SVEP1: variants seen among roughly 807,000 people sequenced by gnomAD.
The protein encoded by SVEP1 is sushi, von Willebrand factor type A, EGF and pentraxin domain-containing protein 1.
In SVEP1, 164 loss-of-function variants were observed where a neutral mutation model predicts 367.3. The observed-to-expected ratio is 0.45, with a 90% confidence interval of 0.39 to 0.51. The LOEUF (loss-of-function observed/expected upper bound fraction) is 0.51. SVEP1 is among the 20% of genes least tolerant of loss of function. The probability of loss-of-function intolerance (pLI) is 0.00; values close to 1 mark genes in which losing one functional copy is unlikely to be tolerated. For missense variants in SVEP1, 4,117 were observed against 4,425.3 expected, an observed-to-expected ratio of 0.93 and a Z score of 1.98; for synonymous variants, 1,666 against 1,611.6, an observed-to-expected ratio of 1.03 and a Z score of -0.81.
intron 38 of SVEP1, 35 bp downstream of exon 38, chr9:110,406,125 C>A: frequency 6.6e-7 from 1 of 1,516,780 alleles, no homozygotes; most frequent in Non-Finnish European, 8.8e-7. Context: ...TAATCCTGCC[C>A]GCACCCCTTG....
At chr9:110,499,315 A>AAAATAC in intron 6 of SVEP1, 77 bp from the exon 7 acceptor site, 2 of 1,340,496 alleles carry the variant, frequency 1.5e-6, no homozygotes, top group East Asian at 4.7e-5. Flanking sequence ...TTACTCAAGA[A>AAAATAC]AAATACAATT....
Position 110,564,422 on chromosome 9 carries a change from T to C in SVEP1, c.532-14318A>G, listed in dbSNP as rs1015853074. 2.0e-5 allele frequency among the ~76,000 whole-genome samples: 3 copies of C among 152,152 alleles called. 1 individual carries two copies. The highest frequency in any genetic ancestry group is 2.0e-4 in the Admixed American group (3 of 15,270). On this transcript the variant is annotated intron_variant, in intron 1 of 47. Transcript: ENST00000374469. ...GAAAATCTAACCATTACCTTGCAAA[T>C]ACTTAGGCTTCAGCAACAAGCCAAC...
At chr9:110,546,855 A>C (rs534220467) in intron 2 of SVEP1, among the ~76,000 whole-genome samples, 1 of 152,348 alleles carries the variant, frequency 6.6e-6, no homozygotes, top group Admixed American at 6.5e-5. Flanking sequence ...CATGCTGGGA[A>C]TGCAATAACT....
At chr9:110,399,130 T>C (rs1377411994) in intron 40 of SVEP1, among the ~76,000 whole-genome samples, 2 of 152,014 alleles carry the variant, frequency 1.3e-5, no homozygotes, top group African/African-American at 2.4e-5. Flanking sequence ...ATTAAGAAAA[T>C]GTGGCATATA....
At chr9:110,369,424 T>C (rs1244271041) in intron 47 of SVEP1, among the ~76,000 whole-genome samples, 2 of 152,234 alleles carry the variant, frequency 1.3e-5, no homozygotes, top group Non-Finnish European at 1.5e-5. Context: ...ACGTTTCTTA[T>C]CAATTCAATA....
chr9:110,481,483 A>T, intron 11 of SVEP1, 47 bp from the exon 12 acceptor site: 1 of 1,316,070 alleles, frequency 7.6e-7, no homozygotes, highest in Non-Finnish European at 9.9e-7. Context: ...TACAAGAAGC[A>T]TAAATTAAAT....
chr9:110,366,633 G>A, intron 47 of SVEP1, 73 bp from the exon 48 acceptor site: 2 of 1,442,082 alleles, frequency 1.4e-6, no homozygotes, highest in Non-Finnish European at 1.8e-6. Context: ...CATCTCTTTA[G>A]GAGTTGATGA....
At chr9:110,373,135 C>T (rs571206949) in intron 46 of SVEP1, among the ~76,000 whole-genome samples, 35 of 152,224 alleles carry the variant, frequency 2.3e-4, no homozygotes, top group Middle Eastern at 6.8e-3. Context: ...TCATTTATTA[C>T]CTGCACCAGT....
chr9:110,482,665 T>C (rs1191576389), intron 10 of SVEP1, among the ~76,000 whole-genome samples, 173 bp from the exon 11 acceptor site: 1 of 152,154 alleles, frequency 6.6e-6, no homozygotes, highest in Non-Finnish European at 1.5e-5. Context: ...TAGCTGGGAT[T>C]ACAGGCATTT....
Position 110,411,735 on chromosome 9 carries a change from G to C in SVEP1, c.5976C>G (p.Gly1992=). 1.3e-6 allele frequency: 2 copies of C among 1,531,568 alleles called. No individual in the cohort carries two copies. The highest frequency in any genetic ancestry group is 1.8e-6 in the Non-Finnish European group (2 of 1,137,696). The allele number at this position is 1,531,568 out of a possible 1,614,324, so 94.9% of individuals were successfully genotyped here. The part of the protein sequence containing the change: ...RNTVTYTCKE[G]YTLAGLDTIE... ...TGGTGTCAAGACCAGCAAGAGTATA[G>C]CTGTGAGGTTGGGAAGAAAGAAAGA... The change falls in exon 37 of 48, where the codon GGC becomes GGG. Residue 1992 remains glycine (G), a splice_region_variant and synonymous_variant. Coordinates refer to ENST00000374469, the MANE Select transcript of SVEP1 (RefSeq NM_153366.4).
At chr9:110,505,051 T>C (rs187739545) in intron 5 of SVEP1, among the ~76,000 whole-genome samples, 9 of 152,302 alleles carry the variant, frequency 5.9e-5, no homozygotes, top group Admixed American at 5.9e-4. Flanking sequence ...AACGCCCCCG[T>C]ACCTCAGCCA....
intron 45 of SVEP1, 58 bp downstream of exon 45, chr9:110,377,213 G>A: frequency 6.5e-7 from 1 of 1,527,594 alleles, no homozygotes; most frequent in Non-Finnish European, 9.0e-7. Context: ...ACTCCCCTCA[G>A]GTGGGAGCAT....
At chr9:110,472,437 A>G in intron 14 of SVEP1, 114 bp from the exon 15 acceptor site, 3 of 993,088 alleles carry the variant, frequency 3.0e-6, no homozygotes, top group East Asian at 2.7e-5. Context: ...TCAAATGCCC[A>G]TAACATACTG....
chr9:110,456,408 G>T (rs1828776662), intron 21 of SVEP1, among the ~76,000 whole-genome samples: 1 of 151,930 alleles, frequency 6.6e-6, no homozygotes, highest in African/African-American at 2.4e-5. Flanking sequence ...TCCCAAACAA[G>T]ATCCTTTATT....
At chr9:110,390,284 T>A (rs10980361) in intron 40 of SVEP1, among the ~76,000 whole-genome samples, 1 of 52,338 alleles carries the variant, frequency 1.9e-5, no homozygotes, top group Non-Finnish European at 3.5e-5. Context: ...CTTATATATA[T>A]ACATACTTAT....
chr9:110,386,792 T>C (rs1827530906), intron 42 of SVEP1, among the ~76,000 whole-genome samples: 1 of 152,254 alleles, frequency 6.6e-6, no homozygotes, highest in Admixed American at 6.5e-5. Flanking sequence ...TACTACATTA[T>C]GATGATACTT....
At position 110,454,673 on chromosome 9, in the gene SVEP1, C is replaced by T. The variant is rs190665618; in HGVS notation, c.3787+917G>A. Among the ~76,000 whole-genome samples, 3 of 152,280 alleles carry T rather than the reference C, an allele frequency of 2.0e-5. No individual in the cohort carries two copies. The East Asian group carries it at 5.8e-4, about 29-fold the overall frequency. On this transcript the variant is annotated intron_variant, in intron 22 of 47. Transcript: ENST00000374469. ...GTCGTTTGCAGCAACATGGATGCAG[C>T]TGCAGGCCATTATTCTAAGTGAATT...
At chr9:110,457,539 A>G (rs1475575932) in intron 20 of SVEP1, among the ~76,000 whole-genome samples, 187 bp from the exon 21 acceptor site, 1 of 152,208 alleles carries the variant, frequency 6.6e-6, no homozygotes, top group African/African-American at 2.4e-5. Context: ...CAAATGATAT[A>G]TATCATTCTT....
Position 110,408,743 on chromosome 9 carries a change from A to T in SVEP1, c.6857T>A (p.Val2286Asp). The T allele has an allele frequency of 6.2e-7, 1 of 1,613,868 alleles. No homozygotes were observed. The highest frequency in any genetic ancestry group is 2.2e-5 in the East Asian group (1 of 44,878). ...KGENFEVGSK[V>D]QFFCNEGYEL... ...ATAACCCTCATTACAGAAAAACTGA[A>T]CCTTGGACCCTACTTCAAAGTTTTC... The change falls in exon 38 of 48, where the codon GTT becomes GAT. Residue 2286 changes from valine to aspartate, a missense_variant. Around this residue, in one of 4 missense-constraint regions of SVEP1, gnomAD observed 1,765 missense variants for 1,781.1 expected, o/e 0.99. Transcript: ENST00000374469.
Sources: gnomAD v4.1 joint callset for allele counts (sites outside exome capture counted in the v4.1 genomes callset) on GRCh38, gnomAD v4.1.1 for gene constraint, gnomAD v4.1.1 regional missense constraint, MANE v1.5 for transcripts, NCBI Gene and HGNC (gene_info 2026-07-23, HGNC 2026-07-21) for gene names.